PEBP4: variants seen among roughly 807,000 people sequenced by gnomAD.
PEBP4 encodes phosphatidylethanolamine-binding protein 4.
PEBP4 carries 22 observed loss-of-function variants against 23.9 expected under a neutral mutation model. That is an observed-to-expected ratio of 0.92 (90% confidence interval 0.66 to 1.31). PEBP4 has a LOEUF of 1.31. Among genes scored for constraint, PEBP4 ranks in the 40% most tolerant of loss-of-function variants. PEBP4 has a pLI of 0.00. For synonymous variants in PEBP4, 112 were observed against 99.3 expected, an observed-to-expected ratio of 1.13 and a Z score of -0.76; for missense variants, 324 against 281.7, an observed-to-expected ratio of 1.15 and a Z score of -1.07.
intron 3 of PEBP4, among the ~76,000 whole-genome samples, chr8:22,844,428 G>A (rs1244474722): frequency 5.9e-5 from 9 of 152,090 alleles, no homozygotes; most frequent in South Asian, 2.1e-4. Context: ...TAATAGAGAC[G>A]GGCTTTCTCC....
In PEBP4 at chr8:22,762,306, C is replaced by T. The variant is rs991228875; in HGVS notation, c.358-35086G>A. Reference sequence around the variant, plus strand: ...ACACTGAATTCCCTCTTGGCTGAGACTCCTTGTCCCTCAGGGAAAGAGATA... The same window carrying T: ...ACACTGAATTCCCTCTTGGCTGAGATTCCTTGTCCCTCAGGGAAAGAGATA... On this transcript the variant is annotated intron_variant, in intron 4 of 6. Coordinates refer to ENST00000256404, the MANE Select transcript of PEBP4 (RefSeq NM_144962.3). Among the ~76,000 whole-genome samples the T allele has an allele frequency of 9.2e-5, 14 of 152,288 alleles. No individual in the cohort carries two copies. The East Asian group carries it at 2.1e-3, about 23-fold the overall frequency.
chr8:22,727,108 G>A (rs1804634599), intron 5 of PEBP4, 67 bp downstream of exon 5: 5 of 1,558,378 alleles, frequency 3.2e-6, no homozygotes, highest in South Asian at 1.1e-5. Flanking sequence ...AGCACCATGA[G>A]GTTTTGATTC....
chr8:22,761,422 G>A (rs970854945), intron 4 of PEBP4, among the ~76,000 whole-genome samples: 5 of 152,128 alleles, frequency 3.3e-5, no homozygotes, highest in East Asian at 1.9e-4. Context: ...CGGAGAGAGC[G>A]AGAAGACCCC....
chr8:22,730,601 C>T (rs181482976), intron 4 of PEBP4, among the ~76,000 whole-genome samples: 123 of 152,176 alleles, frequency 8.1e-4, no homozygotes, highest in African/African-American at 2.9e-3. Context: ...TGAAACTGCC[C>T]GGGGATGGAT....
intron 4 of PEBP4, among the ~76,000 whole-genome samples, chr8:22,809,734 C>T (rs535854934): frequency 2.0e-4 from 31 of 152,320 alleles, no homozygotes; most frequent in African/African-American, 7.5e-4. Context: ...TTTCCTTCTT[C>T]CTCTCCCTCT....
At chr8:22,779,084 A>AGGGGGG (rs1805869080) in intron 4 of PEBP4, among the ~76,000 whole-genome samples, 1 of 14,360 alleles carries the variant, frequency 7.0e-5, no homozygotes, top group Middle Eastern at 0.025. Context: ...GAGGTGGGGG[A>AGGGGGG]GGAGGGGGAT....
At chr8:22,821,984 C>CA (rs113380878) in intron 3 of PEBP4, among the ~76,000 whole-genome samples, 104,392 of 130,866 alleles carry the variant, frequency 0.8, 41,672 homozygotes, top group East Asian at 0.92. Flanking sequence ...GACCTCGTCT[C>CA]AAAAAAAAAA....
intron 6 of PEBP4, among the ~76,000 whole-genome samples, chr8:22,718,113 T>C (rs959263304): frequency 2.0e-5 from 3 of 151,640 alleles, no homozygotes; most frequent in Admixed American, 6.6e-5. Flanking sequence ...TTTCGGGTAG[T>C]GGGGGGCACT....
chr8:22,929,483 C>A (rs2466229), upstream of PEBP4, among the ~76,000 whole-genome samples: 56,617 of 152,120 alleles, frequency 0.37, 11,799 homozygotes, highest in East Asian at 0.6. Context: ...TGCTGTTGAG[C>A]CCACTTCCAG....
intron 4 of PEBP4, among the ~76,000 whole-genome samples, chr8:22,761,443 G>A (rs548606230): frequency 3.0e-4 from 46 of 152,290 alleles, no homozygotes; most frequent in Middle Eastern, 3.4e-3. Flanking sequence ...CCTGCAAGCC[G>A]TGTTCATACA....
intron 6 of PEBP4, among the ~76,000 whole-genome samples, chr8:22,716,497 G>A (rs1375198476): frequency 6.6e-6 from 1 of 152,244 alleles, no homozygotes; most frequent in African/African-American, 2.4e-5. Flanking sequence ...CAGCAGCTGG[G>A]GAAGGGGCTC....
chr8:22,873,906 G>T (rs1245687689), intron 3 of PEBP4, among the ~76,000 whole-genome samples: 1 of 152,118 alleles, frequency 6.6e-6, no homozygotes, highest in African/African-American at 2.4e-5. Context: ...GGATTTGTAG[G>T]ATTGGAGCCC....
chr8:22,773,259 C>T (rs1805751400), intron 4 of PEBP4, among the ~76,000 whole-genome samples: 2 of 152,180 alleles, frequency 1.3e-5, no homozygotes, highest in Admixed American at 1.3e-4. Flanking sequence ...TATCGCAGCA[C>T]AAAAGGCAGT....
At chr8:22,917,767 AG>A (rs1809108223) in intron 3 of PEBP4, among the ~76,000 whole-genome samples, 5 of 152,242 alleles carry the variant, frequency 3.3e-5, no homozygotes, top group Admixed American at 3.3e-4. Context: ...TGCTAGGTTC[AG>A]GGATAGGCAC....
At chr8:22,761,237 T>G (rs926592942) in intron 4 of PEBP4, among the ~76,000 whole-genome samples, 7 of 150,808 alleles carry the variant, frequency 4.6e-5, no homozygotes, top group South Asian at 4.2e-4. Context: ...TGGGGTGGGG[T>G]GTGTGTGTGT....
Position 22,865,274 on chromosome 8 carries a change from T to C in PEBP4, c.259-47539A>G, listed in dbSNP as rs1040189660. Among the ~76,000 whole-genome samples, 108 of 152,182 alleles carry C rather than the reference T, an allele frequency of 7.1e-4. No individual in the cohort carries two copies. The highest frequency in any genetic ancestry group is 2.4e-3 in the African/African-American group (101 of 41,518). ...TTGCGAAAATGACAAAACAACTCCT[T>C]GCTCAGGGCAGCCCGGGAAGAGCGG... On this transcript the variant is annotated intron_variant, in intron 3 of 6. Coordinates refer to ENST00000256404, the MANE Select transcript of PEBP4 (RefSeq NM_144962.3). The surrounding 1 kb of genome is among the most constrained non-coding windows in gnomAD (Gnocchi z 6.9).
At chr8:22,892,916 C>T (rs1011220800) in intron 3 of PEBP4, among the ~76,000 whole-genome samples, 2 of 152,096 alleles carry the variant, frequency 1.3e-5, no homozygotes, top group Non-Finnish European at 2.9e-5. Flanking sequence ...CTGACAGTCA[C>T]CTTGAGTTGA....
At chr8:22,866,631 A>G (rs1585314260) in intron 3 of PEBP4, among the ~76,000 whole-genome samples, 1 of 147,610 alleles carries the variant, frequency 6.8e-6, no homozygotes, top group African/African-American at 2.5e-5. Flanking sequence ...TATAGCCTTA[A>G]GGGGGTGGGG....
intron 4 of PEBP4, among the ~76,000 whole-genome samples, chr8:22,791,370 C>T (rs1806137377): frequency 1.3e-5 from 2 of 152,064 alleles, no homozygotes; most frequent in South Asian, 4.2e-4. Flanking sequence ...CTGCTCATTG[C>T]CATCCTGTCC....
Sources: allele counts gnomAD v4.1 joint callset (sites outside exome capture counted in the v4.1 genomes callset), GRCh38; gene constraint gnomAD v4.1.1; non-coding constraint Gnocchi (gnomAD v3.1); transcripts MANE v1.5; gene names NCBI Gene and HGNC (gene_info 2026-07-23, HGNC 2026-07-21).